Variants in SLC67A2 observed in about 807,000 individuals in gnomAD.
The protein encoded by SLC67A2 is solute carrier family 67 member 2.
At chr2:102,723,021 C>T in the SLC67A2 span, among the ~76,000 whole-genome samples, 2 of 152,130 alleles carry the variant, frequency 1.3e-5, no homozygotes, top group African/African-American at 4.8e-5. Context: ...GACATTTCTC[C>T]AAGGAGTGGC....
the SLC67A2 span, among the ~76,000 whole-genome samples, chr2:102,727,677 C>G: frequency 1.3e-5 from 2 of 152,166 alleles, no homozygotes; most frequent in South Asian, 4.1e-4. Context: ...AGAACAAACC[C>G]CTAGAACTGG....
At chr2:102,723,906 A>G in the SLC67A2 span, 1 of 1,613,712 alleles carries the variant, frequency 6.2e-7, no homozygotes, top group Non-Finnish European at 8.5e-7. Flanking sequence ...GTGTTTAAAA[A>G]TACCTGCAAG....
At chr2:102,720,857 A>C in the SLC67A2 span, among the ~76,000 whole-genome samples, 27 of 152,336 alleles carry the variant, frequency 1.8e-4, no homozygotes, top group African/African-American at 6.3e-4. Context: ...TGACGAAAAC[A>C]GCTATAGTCA....
the SLC67A2 span, among the ~76,000 whole-genome samples, chr2:102,714,844 G>C: frequency 6.6e-6 from 1 of 152,182 alleles, no homozygotes; most frequent in Non-Finnish European, 1.5e-5. Flanking sequence ...CAGTCTCATG[G>C]CTTTTATTAT....
At chr2:102,735,177 T>C in the SLC67A2 span, among the ~76,000 whole-genome samples, 10 of 152,074 alleles carry the variant, frequency 6.6e-5, no homozygotes, top group Non-Finnish European at 1.5e-4. Context: ...ATTAAAGGAA[T>C]AGTGGTCAGA....
At chr2:102,729,121 A>G in the SLC67A2 span, among the ~76,000 whole-genome samples, 1 of 152,230 alleles carries the variant, frequency 6.6e-6, no homozygotes, top group Non-Finnish European at 1.5e-5. Flanking sequence ...AGTATGGGTT[A>G]AAAAGGAAAT....
the SLC67A2 span, among the ~76,000 whole-genome samples, chr2:102,728,240 T>C: frequency 6.6e-6 from 1 of 152,328 alleles, no homozygotes; most frequent in Non-Finnish European, 1.5e-5. Context: ...TGTGAAACCC[T>C]GGATGACCCC....
the SLC67A2 span, among the ~76,000 whole-genome samples, chr2:102,728,944 C>A: frequency 6.6e-6 from 1 of 152,184 alleles, no homozygotes; most frequent in African/African-American, 2.4e-5. Flanking sequence ...GTTCTCAAAA[C>A]AGGGGCTGAC....
At chr2:102,722,213 T>C in the SLC67A2 span, among the ~76,000 whole-genome samples, 786 of 152,352 alleles carry the variant, frequency 5.2e-3, 5 homozygotes, top group Non-Finnish European at 6.3e-3. Context: ...TATTTCAGTC[T>C]TGAATGCTGA....
At chr2:102,726,952 C>T in the SLC67A2 span, 1 of 1,613,650 alleles carries the variant, frequency 6.2e-7, no homozygotes, top group Non-Finnish European at 8.5e-7. Context: ...AGACCGTCTT[C>T]CCACTACATC....
the SLC67A2 span, among the ~76,000 whole-genome samples, chr2:102,722,847 CA>C: frequency 6.6e-6 from 1 of 152,022 alleles, no homozygotes; most frequent in South Asian, 2.1e-4. Flanking sequence ...AAACAATCTG[CA>C]AAGCAAAAAG....
At chr2:102,726,726 A>T in the SLC67A2 span, 6 of 1,418,160 alleles carry the variant, frequency 4.2e-6, no homozygotes, top group African/African-American at 7.2e-5. Flanking sequence ...ACACTCTTTA[A>T]GCAAGTAAGG....
chr2:102,715,461 C>A, the SLC67A2 span, among the ~76,000 whole-genome samples: 6 of 152,138 alleles, frequency 3.9e-5, no homozygotes, highest in Admixed American at 3.9e-4. Context: ...AGAATTCACT[C>A]CCCAAGGGGC....
At chr2:102,728,428 G>A in the SLC67A2 span, among the ~76,000 whole-genome samples, 1 of 152,142 alleles carries the variant, frequency 6.6e-6, no homozygotes, top group Non-Finnish European at 1.5e-5. Context: ...AGCTGTTCAT[G>A]CCCTCTCCCC....
the SLC67A2 span, chr2:102,724,052 C>G: frequency 1.5e-6 from 1 of 680,414 alleles, no homozygotes; most frequent in Non-Finnish European, 2.6e-6. Flanking sequence ...ACTATACCAC[C>G]ACGGCATCTG....
At chr2:102,722,775 T>G in the SLC67A2 span, among the ~76,000 whole-genome samples, 1 of 152,074 alleles carries the variant, frequency 6.6e-6, no homozygotes, top group Non-Finnish European at 1.5e-5. Context: ...TGGAACTACC[T>G]GAAACGAAAA....
chr2:102,736,155 T>C, the SLC67A2 span, among the ~76,000 whole-genome samples: 1 of 152,152 alleles, frequency 6.6e-6, no homozygotes, highest in Non-Finnish European at 1.5e-5. Flanking sequence ...CATTTTTTAA[T>C]ATTTAAGTCA....
chr2:102,718,850 C>T, the SLC67A2 span: 2 of 1,614,006 alleles, frequency 1.2e-6, no homozygotes, highest in Admixed American at 3.3e-5. Flanking sequence ...GGCCACGGCC[C>T]CCAGCATGCT....
chr2:102,721,534 T>G, the SLC67A2 span, among the ~76,000 whole-genome samples: 34 of 152,268 alleles, frequency 2.2e-4, no homozygotes, highest in Admixed American at 1.0e-3. Context: ...TAAGGAAAAC[T>G]GCCTAGCATG....
Sources: gnomAD v4.1 joint callset for allele counts (sites outside exome capture counted in the v4.1 genomes callset) on GRCh38, gnomAD v4.1.1 for gene constraint, MANE v1.5 for transcripts, NCBI Gene and HGNC (gene_info 2026-07-23, HGNC 2026-07-21) for gene names.